TNPO1: variants seen among roughly 807,000 people sequenced by gnomAD.
The protein encoded by TNPO1 is transportin-1.
TNPO1 carries 8 observed loss-of-function variants against 119.5 expected under a neutral mutation model. That is an observed-to-expected ratio of 0.07 (90% CI 0.04 to 0.12). The LOEUF is 0.12. Among genes scored for constraint, TNPO1 ranks in the 10% least tolerant of loss-of-function variants. TNPO1 has a pLI of 1.00. For missense variants in TNPO1, 576 were observed against 1,089.8 expected, an observed-to-expected ratio of 0.53 and a Z score of 6.64; for synonymous variants, 362 against 363.0, an observed-to-expected ratio of 1.00 and a Z score of 0.03.
In TNPO1 at chr5:72,829,258, T is replaced by G. The variant is rs114333710; in HGVS notation, c.15+12506T>G. Among the ~76,000 whole-genome samples, 941 of 152,344 alleles carry G rather than the reference T, an allele frequency of 6.2e-3. 8 individuals carry two copies. The highest frequency in any genetic ancestry group is 8.8e-3 in the Non-Finnish European group (599 of 68,024). The stretch of plus-strand genomic sequence containing the variant: ...CTCCATTGGATTTTTGGTTCAGTGA[T>G]GAACACAGTTTTCTGTTACACAGTT... On this transcript the variant is annotated intron_variant, in intron 1 of 24. Transcript: ENST00000337273.
At chr5:72,907,418 G>A (rs917362550) in intron 24 of TNPO1, among the ~76,000 whole-genome samples, 1 of 151,984 alleles carries the variant, frequency 6.6e-6, no homozygotes, top group Non-Finnish European at 1.5e-5. Context: ...CTGCCTTTTT[G>A]TACTCCTCTT....
chr5:72,853,736 A>G (rs2112271392), intron 3 of TNPO1, among the ~76,000 whole-genome samples: 1 of 151,816 alleles, frequency 6.6e-6, no homozygotes, highest in East Asian at 1.9e-4. Flanking sequence ...TCTTTGCATC[A>G]TGGCTGTTCA....
Position 72,896,554 on chromosome 5 carries a change from T to C in TNPO1, c.2240T>C (p.Met747Thr). ...TWAIGEISIQ[M>T]GIEMQPYIPM... Reference sequence around the variant, plus strand: ...GCAATTGGAGAAATCTCCATTCAAATGGGTAAGATGTTTTTCCCTATTTAA... The same window carrying C: ...GCAATTGGAGAAATCTCCATTCAAACGGGTAAGATGTTTTTCCCTATTTAA... The change falls in exon 19 of 25, where the codon ATG (methionine) becomes ACG (threonine). Residue 747 changes from methionine (M) to threonine (T), a missense_variant and splice_region_variant. Physicochemically the swap from Met to Thr is moderately conservative, Grantham distance 81 (BLOSUM62 -1). This residue lies in a region of TNPO1 where 162 missense variants were observed against 294.1 expected (regional missense o/e 0.55). Transcript: ENST00000337273. 6.2e-7 allele frequency: 1 copy of C among 1,610,080 alleles called. No individual in the cohort carries two copies. Among genetic ancestry groups the C allele is most frequent in the Non-Finnish European group, 8.5e-7 (1 of 1,178,618 alleles).
At chr5:72,848,700 CG>C (rs1477366046) in intron 2 of TNPO1, among the ~76,000 whole-genome samples, 4 of 145,492 alleles carry the variant, frequency 2.7e-5, no homozygotes, top group Non-Finnish European at 6.1e-5. Context: ...GTGCCTGGGC[CG>C]GGGGCGCCGC....
chr5:72,851,752 C>G (rs958043755), intron 3 of TNPO1, among the ~76,000 whole-genome samples: 6 of 152,306 alleles, frequency 3.9e-5, no homozygotes, highest in Non-Finnish European at 7.3e-5. Context: ...CCGCAGTCTC[C>G]CAAAGTGCTC....
chr5:72,868,450 A>AAAAAAC (rs1333460465), intron 6 of TNPO1, among the ~76,000 whole-genome samples: 1 of 148,784 alleles, frequency 6.7e-6, no homozygotes, highest in Non-Finnish European at 1.5e-5. Context: ...AAAAAAAAAA[A>AAAAAAC]AAAAAAAAAC....
intron 4 of TNPO1, among the ~76,000 whole-genome samples, chr5:72,857,208 C>T (rs1370018709): frequency 1.3e-5 from 2 of 151,796 alleles, no homozygotes; most frequent in Non-Finnish European, 2.9e-5. Flanking sequence ...ATCCCAGCTA[C>T]TTGGGAGCCT....
intron 2 of TNPO1, 59 bp downstream of exon 2, chr5:72,848,557 C>G: frequency 1.8e-6 from 2 of 1,128,978 alleles, no homozygotes; most frequent in South Asian, 2.3e-5. Flanking sequence ...GCGGCCCAGC[C>G]CCCGGCGGCC....
chr5:72,868,360 A>G (rs1237680810), intron 6 of TNPO1, among the ~76,000 whole-genome samples: 2 of 137,518 alleles, frequency 1.5e-5, no homozygotes, highest in Non-Finnish European at 3.1e-5. Context: ...TGAACCTGGG[A>G]GACGGAGCTT....
chr5:72,828,532 A>C (rs1744305369), intron 1 of TNPO1, among the ~76,000 whole-genome samples: 1 of 152,080 alleles, frequency 6.6e-6, no homozygotes, highest in African/African-American at 2.4e-5. Context: ...TACACACACA[A>C]ATTTTTGGGG....
intron 24 of TNPO1, among the ~76,000 whole-genome samples, chr5:72,906,300 T>C (rs1410357378): frequency 2.4e-5 from 3 of 125,204 alleles, no homozygotes; most frequent in Non-Finnish European, 3.3e-5. Flanking sequence ...TTTTTTTTTT[T>C]TTTTTTTTTT....
intron 9 of TNPO1, among the ~76,000 whole-genome samples, chr5:72,881,458 A>T (rs1004760276): frequency 2.6e-5 from 4 of 152,170 alleles, no homozygotes; most frequent in Admixed American, 2.6e-4. Flanking sequence ...CCTGCTCTAG[A>T]CTAATTGAAC....
At chr5:72,904,645 AAAT>A (rs1302460835) in intron 23 of TNPO1, among the ~76,000 whole-genome samples, 1 of 152,124 alleles carries the variant, frequency 6.6e-6, no homozygotes, top group Non-Finnish European at 1.5e-5. Flanking sequence ...AAAATACAAA[AAAT>A]TAGCTAGGGG....
chr5:72,848,840 C>G (rs1356138267), intron 2 of TNPO1, among the ~76,000 whole-genome samples: 2 of 150,382 alleles, frequency 1.3e-5, no homozygotes, highest in Admixed American at 6.6e-5. Context: ...GCTGACCTGC[C>G]GCGGGGGTAG....
chr5:72,900,216 T>A, intron 21 of TNPO1, 135 bp downstream of exon 21: 1 of 716,188 alleles, frequency 1.4e-6, no homozygotes, highest in Non-Finnish European at 2.3e-6. Flanking sequence ...ACTAATCTTG[T>A]CCTATCAGGT....
chr5:72,879,774 A>T (rs1748090216), intron 9 of TNPO1, among the ~76,000 whole-genome samples: 1 of 152,246 alleles, frequency 6.6e-6, no homozygotes, highest in African/African-American at 2.4e-5. Context: ...ACAGTGAAAT[A>T]ACTTGTTTTT....
At position 72,910,904 on chromosome 5, in the gene TNPO1, A is replaced by G. The variant is rs1188476816; in HGVS notation, c.*2231A>G. On this transcript the variant is annotated 3_prime_UTR_variant, in exon 25 of 25. Transcript: ENST00000337273. ...AGAGCCTGAAATTAAATTATTTTAT[A>G]GTGCCTGATATTTTTAATATTATAA... 1 of 152,052 alleles carries G rather than the reference A, an allele frequency of 6.6e-6. No homozygotes were observed. Among genetic ancestry groups the G allele is most frequent in the East Asian group, 1.9e-4 (1 of 5,194 alleles). The allele number at this position is 152,052 out of a possible 1,614,324, so 9.4% of individuals were successfully genotyped here. A position where few individuals can be genotyped will look rare whatever the true frequency, so the allele number is the denominator to read the frequency against.
chr5:72,903,523 C>G (rs913115166), intron 22 of TNPO1, among the ~76,000 whole-genome samples, 186 bp from the exon 23 acceptor site: 1 of 152,174 alleles, frequency 6.6e-6, no homozygotes, highest in Non-Finnish European at 1.5e-5. Flanking sequence ...GGTTCCTTGA[C>G]TGTGGGCTAA....
At chr5:72,867,642 A>G (rs1747018777) in intron 6 of TNPO1, among the ~76,000 whole-genome samples, 1 of 152,256 alleles carries the variant, frequency 6.6e-6, no homozygotes, top group African/African-American at 2.4e-5. Flanking sequence ...GAAGACCTTG[A>G]CAACAGTCTA....
Sources: gnomAD v4.1 joint callset for allele counts (sites outside exome capture counted in the v4.1 genomes callset) on GRCh38, gnomAD v4.1.1 for gene constraint, gnomAD v4.1.1 regional missense constraint, MANE v1.5 for transcripts, NCBI Gene and HGNC (gene_info 2026-07-23, HGNC 2026-07-21) for gene names.